Variants in CNTN6 observed in about 807,000 individuals in gnomAD.
The protein encoded by CNTN6 is contactin 6, also known as contactin-6.
In CNTN6, 137 loss-of-function variants were observed where a neutral mutation model predicts 122.8. That is an observed-to-expected ratio of 1.12 (90% CI 0.97 to 1.29). The LOEUF (loss-of-function observed/expected upper bound fraction) is 1.29, where lower values mean the gene tolerates loss of function less well. CNTN6 is among the 50% of genes most tolerant of loss of function. CNTN6 has a pLI of 0.00. For missense variants in CNTN6, 1,634 were observed against 1,223.4 expected (o/e 1.34, Z -5.01); for synonymous variants, 570 against 426.0 (o/e 1.34, Z -4.16).
rs1419934556 is a variant in CNTN6 at position 1,245,255 on chromosome 3, TAAC to T, written c.358+17264_358+17266del. Among the ~76,000 whole-genome samples, 19 of 5,004 alleles carry T rather than the reference TAAC, an allele frequency of 3.8e-3. 3 individuals are homozygous for T. Among genetic ancestry groups the T allele is most frequent in the Admixed American group, 0.01 (3 of 294 alleles). The allele number at this position is 5,004 out of a possible 152,430, so 3.3% of individuals were successfully genotyped here. ...ATATATACACACACACATATATATA[TAAC>T]ATATATATATATATATACACACACA... is the stretch of plus-strand genomic sequence containing the variant. On this transcript the variant is annotated intron_variant, in intron 4 of 22. Transcript: ENST00000446702.
chr3:1,297,374 G>A (rs1575597068), intron 6 of CNTN6, among the ~76,000 whole-genome samples: 2 of 152,194 alleles, frequency 1.3e-5, no homozygotes, highest in East Asian at 3.9e-4. Flanking sequence ...ATTTACAATA[G>A]GTTATACCAT....
rs763045685 is a variant in CNTN6 at position 1,147,981 on chromosome 3, G to A, written c.-28G>A. ...TGTTTTGTTCCACCTGATTGTATGG[G>A]AGAAATTTTTGACCTTAGAAAGTGG... On this transcript the variant is annotated 5_prime_UTR_variant, in exon 2 of 23. Coordinates refer to ENST00000446702, the MANE Select transcript of CNTN6 (RefSeq NM_001289080.2). 4.4e-6 allele frequency: 7 copies of A among 1,587,612 alleles called. No individual in the cohort carries two copies. In the East Asian group the frequency reaches 6.7e-5, roughly 15 times the overall value.
At chr3:1,376,342 A>G (rs1039775004) in intron 16 of CNTN6, among the ~76,000 whole-genome samples, 2 of 152,046 alleles carry the variant, frequency 1.3e-5, no homozygotes, top group Non-Finnish European at 2.9e-5. Flanking sequence ...AAAACTCATC[A>G]AAATTACTGG....
intron 11 of CNTN6, among the ~76,000 whole-genome samples, chr3:1,344,695 A>G (rs1427549129): frequency 1.3e-5 from 2 of 152,134 alleles, no homozygotes; most frequent in African/African-American, 4.8e-5. Context: ...GACTCACACA[A>G]CTCTTCCCTG....
intron 12 of CNTN6, among the ~76,000 whole-genome samples, chr3:1,356,144 T>C (rs1029563528): frequency 6.6e-6 from 1 of 151,816 alleles, no homozygotes; most frequent in African/African-American, 2.4e-5. Flanking sequence ...AAGAGGTATA[T>C]GAAAATCACA....
At chr3:1,303,941 G>A (rs1473080218) in intron 7 of CNTN6, among the ~76,000 whole-genome samples, 1 of 152,124 alleles carries the variant, frequency 6.6e-6, no homozygotes, top group Non-Finnish European at 1.5e-5. Context: ...GCATAGTGGA[G>A]CTCTCATGTC....
chr3:1,154,956 C>T (rs2092930893), intron 2 of CNTN6, among the ~76,000 whole-genome samples: 1 of 152,148 alleles, frequency 6.6e-6, no homozygotes, highest in Non-Finnish European at 1.5e-5. Flanking sequence ...TGCTTAGGGT[C>T]TTTGCATGTG....
At chr3:1,396,468 A>G (rs774011049) in intron 20 of CNTN6, among the ~76,000 whole-genome samples, 23 of 152,202 alleles carry the variant, frequency 1.5e-4, no homozygotes, top group Non-Finnish European at 3.1e-4. Flanking sequence ...GCCATGTACT[A>G]TCTGTGTGCC....
In CNTN6 at chr3:1,270,452, G is replaced by A. The variant is rs114216188; in HGVS notation, c.359-7961G>A. ...GTTCTGTGAGACTTATGCAGATTTG[G>A]GGATTTGTTTTCTTGGTGTCTTTCA... On this transcript the variant is annotated intron_variant, in intron 4 of 22. Transcript: ENST00000446702. Among the ~76,000 whole-genome samples the A allele has an allele frequency of 6.4e-3, 967 of 152,240 alleles. 10 individuals carry two copies. Among genetic ancestry groups the A allele is most frequent in the African/African-American group, 0.022 (895 of 41,534 alleles).
chr3:1,176,552 A>G (rs564061597), intron 2 of CNTN6, among the ~76,000 whole-genome samples: 1 of 152,332 alleles, frequency 6.6e-6, no homozygotes, highest in African/African-American at 2.4e-5. Flanking sequence ...GGGAGTATGG[A>G]ATCACAAAAA....
At chr3:1,186,445 A>G (rs938460175) in intron 2 of CNTN6, among the ~76,000 whole-genome samples, 2 of 152,106 alleles carry the variant, frequency 1.3e-5, no homozygotes, top group African/African-American at 4.8e-5. Flanking sequence ...TCAGGAAAAA[A>G]AAAAATCTTT....
chr3:1,203,567 G>A (rs2093915342), intron 2 of CNTN6, among the ~76,000 whole-genome samples: 1 of 152,208 alleles, frequency 6.6e-6, no homozygotes, highest in Non-Finnish European at 1.5e-5. Context: ...GCTTTCCGAA[G>A]AAGAGCACTT....
At chr3:1,255,617 G>T (rs77095701) in intron 4 of CNTN6, among the ~76,000 whole-genome samples, 2,968 of 151,982 alleles carry the variant, frequency 0.02, 98 homozygotes, top group African/African-American at 0.065. Context: ...TTTAATTGAT[G>T]ACGTTACCTA....
chr3:1,381,412 T>TAGAG (rs1223283871), intron 17 of CNTN6, among the ~76,000 whole-genome samples: 1 of 152,144 alleles, frequency 6.6e-6, no homozygotes, highest in Non-Finnish European at 1.5e-5. Context: ...TGGCAAGAAA[T>TAGAG]AGAGACCAGC....
chr3:1,104,356 G>A (rs552536279), intron 1 of CNTN6, among the ~76,000 whole-genome samples: 44 of 152,194 alleles, frequency 2.9e-4, no homozygotes, highest in Non-Finnish European at 6.0e-4. Context: ...TGTTTTTATA[G>A]AGAGTGAGAT....
intron 5 of CNTN6, among the ~76,000 whole-genome samples, chr3:1,283,228 C>G (rs1048051677): frequency 2.0e-5 from 3 of 152,108 alleles, no homozygotes; most frequent in Non-Finnish European, 4.4e-5. Flanking sequence ...GTCCTGGGAT[C>G]ACCGGTGTGA....
chr3:1,364,232 G>A (rs1707888446), intron 12 of CNTN6, among the ~76,000 whole-genome samples: 1 of 151,878 alleles, frequency 6.6e-6, no homozygotes. Flanking sequence ...TCTAGACATT[G>A]CAAGTTAACT....
intron 11 of CNTN6, 21 bp downstream of exon 11, chr3:1,329,956 A>T (rs759718775): frequency 6.7e-7 from 1 of 1,502,668 alleles, no homozygotes; most frequent in Non-Finnish European, 8.9e-7. Flanking sequence ...CTTTATTTTT[A>T]AAAATATTTT....
At chr3:1,126,076 A>G (rs1311112399) in intron 1 of CNTN6, among the ~76,000 whole-genome samples, 3 of 151,844 alleles carry the variant, frequency 2.0e-5, no homozygotes, top group Non-Finnish European at 2.9e-5. Flanking sequence ...CTCAAGCAAT[A>G]TTATTTACCC....
Sources: gnomAD v4.1 joint callset for allele counts (sites outside exome capture counted in the v4.1 genomes callset) on GRCh38, gnomAD v4.1.1 for gene constraint, MANE v1.5 for transcripts, NCBI Gene and HGNC (gene_info 2026-07-23, HGNC 2026-07-21) for gene names.